TCF20: variants seen among roughly 807,000 people sequenced by gnomAD.
TCF20 encodes the protein SPRE-binding protein.
TCF20 carries 3 observed loss-of-function variants against 148.6 expected under a neutral mutation model. That is an observed-to-expected ratio of 0.02 (90% CI 0.01 to 0.05). The LOEUF is 0.05. Ranked by LOEUF, TCF20 falls within the 10% of genes least tolerant of loss-of-function variation. The probability of loss-of-function intolerance (pLI) is 1.00; values close to 1 mark genes in which losing one functional copy is unlikely to be tolerated. For synonymous variants in TCF20, 1,049 were observed against 909.5 expected, an observed-to-expected ratio of 1.15 and a Z score of -2.76; for missense variants, 2,350 against 2,429.3, an observed-to-expected ratio of 0.97 and a Z score of 0.69.
intron 1 of TCF20, among the ~76,000 whole-genome samples, chr22:42,325,502 G>A (rs113675988): frequency 3.3e-5 from 5 of 152,328 alleles, no homozygotes; most frequent in African/African-American, 1.2e-4. Context: ...AGCCCAAGCA[G>A]TACTCATGCA....
At chr22:42,308,372 A>G (rs1034181315) in intron 1 of TCF20, among the ~76,000 whole-genome samples, 14 of 152,158 alleles carry the variant, frequency 9.2e-5, no homozygotes, top group Admixed American at 6.5e-5. Flanking sequence ...AGACAGTAAC[A>G]TGTGACTCAG....
intron 1 of TCF20, among the ~76,000 whole-genome samples, chr22:42,301,953 G>C (rs1927344150): frequency 6.6e-6 from 1 of 152,214 alleles, no homozygotes; most frequent in Admixed American, 6.5e-5. Flanking sequence ...AAGTACAGCT[G>C]GACGACCTCA....
At position 42,210,353 on chromosome 22, in the gene TCF20, A is replaced by G. The variant is rs1472616346; in HGVS notation, c.4953T>C (p.Asn1651=). Residue 1651 remains asparagine, a synonymous_variant, in exon 2 of 6, where the codon AAT becomes AAC. Transcript: ENST00000677622. This position sits in a 1 kb window ranked among gnomAD's most constrained non-coding sequence, Gnocchi z 4.7. ...CELGAVCTII[N]AEEEEQTKLV... ...ATTTGGTCTGTTCTTCTTCCTCAGC[A>G]TTGATGATTGTACAAACGGCTCCAA... The G allele has an allele frequency of 6.2e-7, 1 of 1,614,164 alleles. No individual in the cohort carries two copies. Among genetic ancestry groups the G allele is most frequent in the East Asian group, 2.2e-5 (1 of 44,888 alleles).
intron 1 of TCF20, among the ~76,000 whole-genome samples, chr22:42,246,352 C>T (rs1380412730): frequency 6.6e-6 from 1 of 152,158 alleles, no homozygotes; most frequent in African/African-American, 2.4e-5. Context: ...TCAAGTGACC[C>T]ATCCGCCTCG....
At chr22:42,254,076 C>CAAAAAAAAA (rs528387021) in intron 1 of TCF20, among the ~76,000 whole-genome samples, 1 of 53,582 alleles carries the variant, frequency 1.9e-5, no homozygotes. Context: ...AACTCCCTTT[C>CAAAAAAAAA]AAAAAAAAAA....
intron 1 of TCF20, among the ~76,000 whole-genome samples, chr22:42,307,065 C>A (rs1448399784): frequency 2.2e-5 from 3 of 138,492 alleles, no homozygotes; most frequent in Non-Finnish European, 4.7e-5. Context: ...AAAAAAAAGA[C>A]TGAGAGGAGG....
chr22:42,304,054 A>G, intron 1 of TCF20, among the ~76,000 whole-genome samples: 1 of 151,748 alleles, frequency 6.6e-6, no homozygotes, highest in Non-Finnish European at 1.5e-5. Flanking sequence ...CATCAAAGCT[A>G]GGTCCCAGCC....
At position 42,214,987 on chromosome 22, in the gene TCF20, G is replaced by A; in HGVS notation, c.319C>T (p.Pro107Ser). 5 of 1,614,242 alleles carry A rather than the reference G, an allele frequency of 3.1e-6. No homozygotes were observed. The highest frequency in any genetic ancestry group is 3.4e-6 in the Non-Finnish European group (4 of 1,180,046). The change falls in exon 2 of 6, where the codon CCT becomes TCT. Residue 107 changes from proline (P) to serine (S), a missense_variant. Transcript: ENST00000677622. ...ACAGGCCCAGAAGGCCTTCGCTGAG[G>A]AGGCTGTGGGGTTCCTGTAGTCACG... is the stretch of plus-strand genomic sequence containing the variant. ...DPVTTGTPQP[P>S]QRRPSGPVQS...
chr22:42,254,709 C>G (rs1401119007), intron 1 of TCF20, among the ~76,000 whole-genome samples: 1 of 152,164 alleles, frequency 6.6e-6, no homozygotes, highest in Non-Finnish European at 1.5e-5. Context: ...CCAAAAGGAG[C>G]TGGTCCCAGC....
intron 1 of TCF20, among the ~76,000 whole-genome samples, chr22:42,266,119 T>C (rs1486469274): frequency 1.3e-5 from 2 of 149,944 alleles, no homozygotes; most frequent in Non-Finnish European, 3.0e-5. Context: ...CAGGAAGATA[T>C]GGATTCCAGG....
At chr22:42,236,323 T>C (rs1321079876) in intron 1 of TCF20, among the ~76,000 whole-genome samples, 1 of 152,176 alleles carries the variant, frequency 6.6e-6, no homozygotes, top group Non-Finnish European at 1.5e-5. Context: ...TGACAGGTAA[T>C]TTTTGTCATT....
intron 1 of TCF20, among the ~76,000 whole-genome samples, chr22:42,252,079 G>A (rs559537461): frequency 1.4e-3 from 207 of 151,204 alleles, no homozygotes; most frequent in African/African-American, 4.3e-3. Context: ...AGACCAGCCT[G>A]GGCAACATGG....
In TCF20 at chr22:42,213,281, A is replaced by C; in HGVS notation, c.2025T>G (p.His675Gln). 1 of 1,613,824 alleles carries C rather than the reference A, an allele frequency of 6.2e-7. No individual in the cohort carries two copies. Among genetic ancestry groups the C allele is most frequent in the Non-Finnish European group, 8.5e-7 (1 of 1,179,950 alleles). Residue 675 changes from histidine to glutamine, a missense_variant, in exon 2 of 6, where the codon CAT becomes CAG. Coordinates refer to ENST00000677622, the MANE Select transcript of TCF20 (RefSeq NM_001378418.1). ...CACTCTGGCCATTTCCTTCTCCATT[A>C]TGGTTGGAGTTGTTATCGCCATTCT... Reference protein sequence around the residue: ...GNKNGDNNSNHNGEGNGQSGH... With the variant: ...GNKNGDNNSNQNGEGNGQSGH...
In TCF20 at chr22:42,292,307, C is replaced by T. The variant is rs1187302675; in HGVS notation, c.-37+51172G>A. On this transcript the variant is annotated intron_variant, in intron 1 of 1. Coordinates refer to the TCF20 transcript ENST00000515426. This position sits in a 1 kb window ranked among gnomAD's most constrained non-coding sequence, Gnocchi z 4.9. ...GGCCTGCGTGTTCCGTGTCCTGATC[C>T]GCTGAGGCCCCAGTGCTAAAATCAG... Among the ~76,000 whole-genome samples the T allele has an allele frequency of 6.6e-6, 1 of 152,156 alleles. No individual in the cohort carries two copies. Among genetic ancestry groups the T allele is most frequent in the South Asian group, 2.1e-4 (1 of 4,830 alleles).
At chr22:42,243,838 A>G (rs913627309) in intron 1 of TCF20, among the ~76,000 whole-genome samples, 2 of 152,226 alleles carry the variant, frequency 1.3e-5, no homozygotes, top group African/African-American at 4.8e-5. Flanking sequence ...AAGTTAATGT[A>G]TCAGGAAAAA....
chr22:42,281,324 C>T (rs994608666), intron 1 of TCF20, among the ~76,000 whole-genome samples: 1 of 152,178 alleles, frequency 6.6e-6, no homozygotes, highest in Non-Finnish European at 1.5e-5. Flanking sequence ...ATCCTGAAAA[C>T]GGGTCCAAAG....
intron 5 of TCF20, among the ~76,000 whole-genome samples, chr22:42,165,801 G>C (rs1935747385): frequency 5.9e-5 from 9 of 152,240 alleles, no homozygotes; most frequent in Admixed American, 5.9e-4. Context: ...AATCTCAAAA[G>C]GTTGGCACTG....
At chr22:42,191,219 C>A (rs1937317516) in intron 2 of TCF20, among the ~76,000 whole-genome samples, 2 of 152,174 alleles carry the variant, frequency 1.3e-5, no homozygotes, top group Admixed American at 1.3e-4. Context: ...ACTCAGAAGG[C>A]CAACACAGGT....
At chr22:42,270,715 C>A (rs1006313494), upstream of TCF20, among the ~76,000 whole-genome samples, 1 of 55,246 alleles carries the variant, frequency 1.8e-5, no homozygotes, top group African/African-American at 6.7e-5. Flanking sequence ...CGCGGGCGGG[C>A]GGGAGGGCGC....
Sources: allele counts gnomAD v4.1 joint callset (sites outside exome capture counted in the v4.1 genomes callset), GRCh38; gene constraint gnomAD v4.1.1; non-coding constraint Gnocchi (gnomAD v3.1); transcripts MANE v1.5; gene names NCBI Gene and HGNC (gene_info 2026-07-23, HGNC 2026-07-21).